The following TTC28 variants were observed in gnomAD, a reference collection of about 807,000 sequenced individuals.
TTC28 encodes the protein tetratricopeptide repeat domain 28.
A neutral mutation model predicts 198.0 loss-of-function variants in TTC28; 61 were observed. The observed-to-expected ratio is 0.31, with a 90% CI of 0.25 to 0.38. TTC28 has a LOEUF of 0.38. Ranked by LOEUF, TTC28 falls within the 10% of genes least tolerant of loss-of-function variation. The pLI is 1.00. For synonymous variants in TTC28, 1,171 were observed against 1,297.8 expected (o/e 0.90, Z 2.10); for missense variants, 2,678 against 3,164.0 (o/e 0.85, Z 3.69).
At chr22:28,057,633 T>C (rs1940341634) in intron 12 of TTC28, among the ~76,000 whole-genome samples, 1 of 152,276 alleles carries the variant, frequency 6.6e-6, no homozygotes, top group South Asian at 2.1e-4. Flanking sequence ...TTTATAATTT[T>C]TTTTCTTTTC....
chr22:28,113,540 A>C (rs1601331455), intron 6 of TTC28, among the ~76,000 whole-genome samples: 1 of 152,380 alleles, frequency 6.6e-6, no homozygotes, highest in East Asian at 1.9e-4. Context: ...CACTGCCCTC[A>C]GCAGGACCAG....
At chr22:28,043,235 T>C (rs1601553129) in intron 12 of TTC28, among the ~76,000 whole-genome samples, 1 of 64,394 alleles carries the variant, frequency 1.6e-5, no homozygotes, top group African/African-American at 7.5e-5. Flanking sequence ...AGAGTAAGAC[T>C]CCATCTCAAA....
chr22:28,269,799 T>C (rs1931933650), intron 5 of TTC28, among the ~76,000 whole-genome samples: 1 of 152,114 alleles, frequency 6.6e-6, no homozygotes, highest in African/African-American at 2.4e-5. Context: ...AAGTCTCACA[T>C]AAGAAGGGGA....
At chr22:28,674,265 GTT>G (rs943369337) in intron 1 of TTC28, among the ~76,000 whole-genome samples, 12 of 107,638 alleles carry the variant, frequency 1.1e-4, no homozygotes, top group Non-Finnish European at 1.4e-4. Context: ...TTTCTTTGTG[GTT>G]TTTTTTTTTT....
At chr22:28,294,912 C>G (rs1162971399) in intron 5 of TTC28, among the ~76,000 whole-genome samples, 1 of 152,128 alleles carries the variant, frequency 6.6e-6, no homozygotes, top group Non-Finnish European at 1.5e-5. Flanking sequence ...CTAAATGGAC[C>G]TATCTGGACA....
rs562714107 is a variant in TTC28 at position 28,307,733 on chromosome 22, A to T, written c.382-1090T>A. Among the ~76,000 whole-genome samples the T allele has an allele frequency of 8.5e-5, 13 of 152,298 alleles. No homozygotes were observed. The South Asian group carries it at 2.5e-3, about 29-fold the overall frequency. ...GCTTATATGACAACATCTGCTTCTA[A>T]AATACTTGGTCTCCTATTCAACTGA... On this transcript the variant is annotated intron_variant, in intron 2 of 22. Coordinates refer to ENST00000397906, the MANE Select transcript of TTC28 (RefSeq NM_001145418.2).
intron 5 of TTC28, among the ~76,000 whole-genome samples, chr22:28,237,794 A>G (rs1929360090): frequency 6.6e-6 from 1 of 152,192 alleles, no homozygotes; most frequent in African/African-American, 2.4e-5. Flanking sequence ...TCTTTAGTGC[A>G]AATCTGCTGG....
rs547189483 is a variant in TTC28, at chr22:28,492,703, A to G, written c.381+136849T>C. ...GAAGTAGCAATAGCAAGTGCCTCTA[A>G]AAAATGATGAGGAGATAGGGCTAAA... On this transcript the variant is annotated intron_variant, in intron 2 of 22. Coordinates refer to ENST00000397906, the MANE Select transcript of TTC28 (RefSeq NM_001145418.2). Among the ~76,000 whole-genome samples, 12 of 152,286 alleles carry G rather than the reference A, an allele frequency of 7.9e-5. No individual in the cohort carries two copies. The South Asian group carries it at 2.5e-3, about 32-fold the overall frequency.
At chr22:28,479,561 T>A (rs2048217072) in intron 2 of TTC28, among the ~76,000 whole-genome samples, 1 of 152,226 alleles carries the variant, frequency 6.6e-6, no homozygotes. Flanking sequence ...TTCTTGTAGA[T>A]GCTCTGATTC....
intron 5 of TTC28, among the ~76,000 whole-genome samples, chr22:28,200,614 G>A (rs1405582036): frequency 6.6e-5 from 10 of 152,068 alleles, no homozygotes; most frequent in Admixed American, 2.0e-4. Context: ...GTTTAGAATC[G>A]GAGGGCTAGA....
At chr22:28,526,279 A>T (rs1161380846) in intron 2 of TTC28, among the ~76,000 whole-genome samples, 1 of 152,246 alleles carries the variant, frequency 6.6e-6, no homozygotes, top group Non-Finnish European at 1.5e-5. Context: ...AGATATAATT[A>T]TTCTAACAAC....
chr22:28,140,049 G>A (rs1456660609), intron 6 of TTC28, among the ~76,000 whole-genome samples: 1 of 152,112 alleles, frequency 6.6e-6, no homozygotes, highest in African/African-American at 2.4e-5. Flanking sequence ...CTCAGGTCTG[G>A]GTGTAGTCCT....
At chr22:28,037,320 T>C (rs1360019852) in intron 12 of TTC28, among the ~76,000 whole-genome samples, 2 of 152,154 alleles carry the variant, frequency 1.3e-5, no homozygotes, top group Non-Finnish European at 2.9e-5. Context: ...TTATCCAACA[T>C]GATCAAGTAG....
intron 2 of TTC28, among the ~76,000 whole-genome samples, chr22:28,595,179 A>C (rs1242042231): frequency 1.3e-5 from 2 of 152,134 alleles, no homozygotes; most frequent in Non-Finnish European, 2.9e-5. Flanking sequence ...GGGCTTATAC[A>C]CCATTTTGCA....
At chr22:28,079,622 TG>T (rs568393162) in intron 12 of TTC28, among the ~76,000 whole-genome samples, 1 of 152,304 alleles carries the variant, frequency 6.6e-6, no homozygotes, top group African/African-American at 2.4e-5. Context: ...AGACAAATAT[TG>T]CCAAATGAAA....
At chr22:28,480,984 A>T (rs1395619862) in intron 2 of TTC28, among the ~76,000 whole-genome samples, 1 of 152,160 alleles carries the variant, frequency 6.6e-6, no homozygotes, top group Non-Finnish European at 1.5e-5. Context: ...TCAAGGTTAA[A>T]TGACTCCCTG....
At chr22:28,403,249 G>A (rs932216915) in intron 2 of TTC28, among the ~76,000 whole-genome samples, 5 of 152,136 alleles carry the variant, frequency 3.3e-5, no homozygotes, top group East Asian at 1.9e-4. Context: ...GACCCAACAC[G>A]ACTATCTACA....
At chr22:28,530,820 G>T (rs997515024) in intron 2 of TTC28, among the ~76,000 whole-genome samples, 1 of 152,152 alleles carries the variant, frequency 6.6e-6, no homozygotes, top group African/African-American at 2.4e-5. Context: ...AGCTTCATAA[G>T]TGAAGGAGAA....
chr22:28,608,829 T>G (rs1367717150), intron 2 of TTC28, among the ~76,000 whole-genome samples: 1 of 152,190 alleles, frequency 6.6e-6, no homozygotes, highest in Non-Finnish European at 1.5e-5. Flanking sequence ...CTGAGCAGAC[T>G]TCAGTAGATA....
Sources: gnomAD v4.1 joint callset for allele counts (sites outside exome capture counted in the v4.1 genomes callset) on GRCh38, gnomAD v4.1.1 for gene constraint, MANE v1.5 for transcripts, NCBI Gene and HGNC (gene_info 2026-07-23, HGNC 2026-07-21) for gene names.